TBC1D22A: variants seen among roughly 807,000 people sequenced by gnomAD.
The protein encoded by TBC1D22A is TBC1 domain family member 22A.
A neutral mutation model predicts 60.2 loss-of-function variants in TBC1D22A; 38 were observed. That is an observed-to-expected ratio of 0.63 (90% CI 0.49 to 0.83). TBC1D22A has a LOEUF of 0.83. Ranked by LOEUF, TBC1D22A falls within the 40% of genes least tolerant of loss-of-function variation. TBC1D22A has a pLI of 0.00. For synonymous variants in TBC1D22A, 302 were observed against 281.7 expected, an observed-to-expected ratio of 1.07 and a Z score of -0.72; for missense variants, 628 against 701.0, an observed-to-expected ratio of 0.90 and a Z score of 1.18.
intron 4 of TBC1D22A, among the ~76,000 whole-genome samples, chr22:46,835,240 G>A (rs1473795413): frequency 6.6e-6 from 1 of 152,202 alleles, no homozygotes; most frequent in African/African-American, 2.4e-5. Flanking sequence ...AACATGACCT[G>A]ACGAAAAGAA....
At chr22:46,857,667 T>C (rs991844298) in intron 4 of TBC1D22A, among the ~76,000 whole-genome samples, 2 of 151,254 alleles carry the variant, frequency 1.3e-5, no homozygotes, top group African/African-American at 4.9e-5. Context: ...CCCCCAATCC[T>C]TCCCCCTGCC....
chr22:47,152,214 G>A (rs144904414), intron 12 of TBC1D22A, among the ~76,000 whole-genome samples: 1,810 of 152,314 alleles, frequency 0.012, 36 homozygotes, highest in African/African-American at 0.041. Flanking sequence ...CCTCAGGTTG[G>A]GTTGACCAAT....
chr22:46,889,994 G>C (rs1245298843), intron 5 of TBC1D22A, among the ~76,000 whole-genome samples: 1 of 152,204 alleles, frequency 6.6e-6, no homozygotes, highest in East Asian at 1.9e-4. Flanking sequence ...ATTAGAATTG[G>C]CCATTTATAT....
At chr22:46,922,446 T>C (rs890744565) in intron 8 of TBC1D22A, among the ~76,000 whole-genome samples, 9 of 152,244 alleles carry the variant, frequency 5.9e-5, no homozygotes, top group African/African-American at 2.2e-4. Flanking sequence ...AAATAGTTTT[T>C]TTTCCTAATT....
chr22:47,104,075 G>A (rs1345083424), intron 11 of TBC1D22A, among the ~76,000 whole-genome samples: 1 of 152,178 alleles, frequency 6.6e-6, no homozygotes, highest in African/African-American at 2.4e-5. Context: ...GGGAGGCAGA[G>A]GCAGGCGGAT....
At chr22:46,845,934 C>T (rs1056555561) in intron 4 of TBC1D22A, among the ~76,000 whole-genome samples, 4 of 152,230 alleles carry the variant, frequency 2.6e-5, no homozygotes, top group African/African-American at 4.8e-5. Context: ...TTGCTGCAGT[C>T]GGCCCGCAGG....
chr22:46,830,790 G>C (rs761718832), intron 4 of TBC1D22A, among the ~76,000 whole-genome samples: 1 of 152,262 alleles, frequency 6.6e-6, no homozygotes, highest in African/African-American at 2.4e-5. Flanking sequence ...TCTGGTGCAA[G>C]TGGCCTGGAA....
chr22:47,138,995 C>T (rs1420383350), intron 12 of TBC1D22A, among the ~76,000 whole-genome samples: 1 of 152,204 alleles, frequency 6.6e-6, no homozygotes, highest in African/African-American at 2.4e-5. Flanking sequence ...CACAAACGTT[C>T]CAGCCGTAGC....
At chr22:47,011,606 G>T (rs1341216076) in intron 10 of TBC1D22A, among the ~76,000 whole-genome samples, 1 of 152,230 alleles carries the variant, frequency 6.6e-6, no homozygotes, top group Non-Finnish European at 1.5e-5. Context: ...CCAGCAGCCT[G>T]TGTGGCTTCA....
intron 11 of TBC1D22A, among the ~76,000 whole-genome samples, chr22:47,046,832 G>A (rs1229906277): frequency 6.6e-6 from 1 of 152,306 alleles, no homozygotes; most frequent in East Asian, 1.9e-4. Flanking sequence ...CCAGATGCCA[G>A]ACCAAGGCTG....
chr22:46,793,286 C>T (rs1183679206), intron 2 of TBC1D22A, among the ~76,000 whole-genome samples: 1 of 152,330 alleles, frequency 6.6e-6, no homozygotes, highest in East Asian at 1.9e-4. Context: ...GGTGACCTTC[C>T]TGGAGCCCCC....
intron 11 of TBC1D22A, among the ~76,000 whole-genome samples, chr22:47,065,874 G>A (rs1230040364): frequency 2.0e-5 from 3 of 152,172 alleles, no homozygotes; most frequent in African/African-American, 7.2e-5. Flanking sequence ...GAAGGAAGGA[G>A]GATCGGGAGA....
At chr22:46,801,198 A>C (rs1392565722) in intron 4 of TBC1D22A, among the ~76,000 whole-genome samples, 2 of 152,266 alleles carry the variant, frequency 1.3e-5, no homozygotes, top group Non-Finnish European at 2.9e-5. Flanking sequence ...TTTCAAAGTT[A>C]AACGATGACT....
rs1030611881 is a variant in TBC1D22A at position 46,904,176 on chromosome 22, A to T, written c.901-7898A>T. Among the ~76,000 whole-genome samples, 2 of 99,774 alleles carry T rather than the reference A, an allele frequency of 2.0e-5. 1 individual carries two copies. Among genetic ancestry groups the T allele is most frequent in the African/African-American group, 8.5e-5 (2 of 23,602 alleles). 65.5% of individuals were successfully genotyped at this position (99,774 alleles called of 152,430 possible). A position where few individuals can be genotyped will look rare whatever the true frequency, so the allele number is the denominator to read the frequency against. Reference sequence around the variant, plus strand: ...CTACCTACCTACCTACCTACCTACCAGTCTGAGAGCAAAAGCTTAGAACTG... The same window carrying T: ...CTACCTACCTACCTACCTACCTACCTGTCTGAGAGCAAAAGCTTAGAACTG... On this transcript the variant is annotated intron_variant, in intron 7 of 12. Coordinates refer to ENST00000337137, the MANE Select transcript of TBC1D22A (RefSeq NM_014346.5).
At chr22:46,991,362 G>A (rs190616590) in intron 9 of TBC1D22A, among the ~76,000 whole-genome samples, 2 of 152,318 alleles carry the variant, frequency 1.3e-5, no homozygotes, top group East Asian at 3.9e-4. Flanking sequence ...CGTTTAACCA[G>A]TGCCTCTCAG....
At chr22:47,071,650 A>C (rs1045967697) in intron 11 of TBC1D22A, among the ~76,000 whole-genome samples, 14 of 152,258 alleles carry the variant, frequency 9.2e-5, no homozygotes, top group Admixed American at 9.2e-4. Context: ...GACTCTGTCC[A>C]TTAATCATCC....
intron 7 of TBC1D22A, among the ~76,000 whole-genome samples, chr22:46,908,157 G>C (rs2069626572): frequency 6.6e-6 from 1 of 152,206 alleles, no homozygotes; most frequent in Admixed American, 6.5e-5. Context: ...TGGAGCATGG[G>C]GGTGTTAGCA....
intron 8 of TBC1D22A, among the ~76,000 whole-genome samples, chr22:46,935,038 C>T (rs919634066): frequency 6.6e-6 from 1 of 152,144 alleles, no homozygotes; most frequent in Non-Finnish European, 1.5e-5. Context: ...CCTGGGTGTG[C>T]TGGGCTTCCT....
At chr22:46,839,219 C>T (rs6008983) in intron 4 of TBC1D22A, among the ~76,000 whole-genome samples, 73,605 of 151,928 alleles carry the variant, frequency 0.48, 18,404 homozygotes, top group African/African-American at 0.62. Context: ...CTCCAAGAAA[C>T]TTAAGAAAGC....
Sources: allele counts gnomAD v4.1 joint callset (sites outside exome capture counted in the v4.1 genomes callset), GRCh38; gene constraint gnomAD v4.1.1; transcripts MANE v1.5; gene names NCBI Gene and HGNC (gene_info 2026-07-23, HGNC 2026-07-21).